Variants in SV2C observed in about 807,000 individuals in gnomAD.
SV2C encodes the protein solute carrier family 22 member B3.
Under a neutral mutation model 79.7 loss-of-function variants are expected in SV2C, and 49 were observed. The observed-to-expected ratio is 0.61, with a 90% CI of 0.49 to 0.78. The LOEUF is 0.78. Ranked by LOEUF, SV2C falls within the 30% of genes least tolerant of loss-of-function variation. The pLI is 0.00. For missense variants in SV2C, 833 were observed against 912.9 expected, an observed-to-expected ratio of 0.91 and a Z score of 1.13; for synonymous variants, 334 against 333.2, an observed-to-expected ratio of 1.00 and a Z score of -0.03.
chr5:76,313,277 C>T (rs1395625897), intron 12 of SV2C, among the ~76,000 whole-genome samples: 5 of 152,180 alleles, frequency 3.3e-5, no homozygotes, highest in Non-Finnish European at 4.4e-5. Context: ...TCAGCTATCG[C>T]GACTAACCAA....
intron 4 of SV2C, among the ~76,000 whole-genome samples, chr5:76,228,101 C>G (rs981730758): frequency 2.6e-5 from 4 of 152,070 alleles, no homozygotes; most frequent in Non-Finnish European, 5.9e-5. Context: ...CTGTGACTCA[C>G]ATTTTTTTCT....
Position 76,314,259 on chromosome 5 carries a change from G to A in SV2C, c.2001-11105G>A, listed in dbSNP as rs566038624. ...GGGTCCAGCCTCCCAGCTTTCCAGA[G>A]TGAGCATTTGGGCCAGTGTAAGGGA... On this transcript the variant is annotated intron_variant, in intron 12 of 12. Transcript: ENST00000502798. Among the ~76,000 whole-genome samples the A allele has an allele frequency of 2.4e-3, 371 of 152,320 alleles. 3 individuals are homozygous for A. Among genetic ancestry groups the A allele is most frequent in the African/African-American group, 8.4e-3 (350 of 41,574 alleles).
intron 2 of SV2C, among the ~76,000 whole-genome samples, chr5:76,132,542 T>G (rs1748937642): frequency 6.6e-6 from 1 of 152,232 alleles, no homozygotes; most frequent in South Asian, 2.1e-4. Flanking sequence ...TAGTTAACAT[T>G]TACTATATTT....
At chr5:76,290,725 A>G (rs1747533527) in intron 6 of SV2C, among the ~76,000 whole-genome samples, 1 of 152,204 alleles carries the variant, frequency 6.6e-6, no homozygotes. Context: ...ACTGTGGGTT[A>G]GGCTGTGGGA....
the SV2C span, among the ~76,000 whole-genome samples, chr5:75,970,268 A>T: frequency 6.6e-6 from 1 of 152,112 alleles, no homozygotes; most frequent in Non-Finnish European, 1.5e-5. Flanking sequence ...AAAGAACTAG[A>T]GAAGCAAGAG....
the SV2C span, among the ~76,000 whole-genome samples, chr5:75,881,811 C>G: frequency 6.7e-6 from 1 of 149,492 alleles, no homozygotes; most frequent in East Asian, 1.9e-4. Flanking sequence ...CCTAATTGCC[C>G]TGGCCAGAAC....
At chr5:76,061,509 T>C in the SV2C span, among the ~76,000 whole-genome samples, 1 of 152,098 alleles carries the variant, frequency 6.6e-6, no homozygotes, top group African/African-American at 2.4e-5. Flanking sequence ...ATTTGTCACC[T>C]TTATTCCAGC....
Position 76,299,018 on chromosome 5 carries a change from C to T in SV2C, c.1636+91C>T, listed in dbSNP as rs1020761368. The T allele has an allele frequency of 4.6e-5, 63 of 1,380,392 alleles. No homozygotes were observed. In the East Asian group the frequency reaches 1.3e-3, roughly 27 times the overall value. The allele number at this position is 1,380,392 out of a possible 1,614,324, so 85.5% of individuals were successfully genotyped here. On this transcript the variant is annotated intron_variant, in intron 10 of 12. Coordinates refer to ENST00000502798, the MANE Select transcript of SV2C (RefSeq NM_014979.4). ...GTGATAATGTGGGCAGAGGCTTATGCGGGAAGTGGATATTAAAGAATAAAT... is the reference window on the plus strand; with the variant it reads ...GTGATAATGTGGGCAGAGGCTTATGTGGGAAGTGGATATTAAAGAATAAAT...
At chr5:76,290,249 T>C (rs1747512926) in intron 6 of SV2C, among the ~76,000 whole-genome samples, 1 of 152,220 alleles carries the variant, frequency 6.6e-6, no homozygotes, top group African/African-American at 2.4e-5. Flanking sequence ...ACCTACTGCC[T>C]ACTTGGTATA....
chr5:76,218,568 A>T (rs553654546), intron 4 of SV2C, among the ~76,000 whole-genome samples: 2 of 152,178 alleles, frequency 1.3e-5, no homozygotes, highest in Non-Finnish European at 2.9e-5. Context: ...GAACACATGG[A>T]CACAGGGAGG....
chr5:76,309,630 A>AAAAAAAC (rs1554046996), intron 12 of SV2C, among the ~76,000 whole-genome samples: 8 of 131,976 alleles, frequency 6.1e-5, no homozygotes, highest in Non-Finnish European at 9.8e-5. Flanking sequence ...AAAAAACAGA[A>AAAAAAAC]AGAAAGAAAG....
At chr5:75,863,999 C>G in the SV2C span, among the ~76,000 whole-genome samples, 1 of 152,152 alleles carries the variant, frequency 6.6e-6, no homozygotes, top group Non-Finnish European at 1.5e-5. Context: ...AGCCCTGTAA[C>G]TTTGAATCTC....
At chr5:76,274,266 C>T (rs1746957287) in intron 4 of SV2C, among the ~76,000 whole-genome samples, 1 of 152,138 alleles carries the variant, frequency 6.6e-6, no homozygotes, top group East Asian at 1.9e-4. Context: ...ATACAAGACA[C>T]TAGAAAATTC....
intron 9 of SV2C, among the ~76,000 whole-genome samples, chr5:76,297,733 C>A (rs899616955): frequency 1.3e-5 from 2 of 152,092 alleles, no homozygotes; most frequent in African/African-American, 4.8e-5. Flanking sequence ...GCATTTTGAA[C>A]CAACACACGT....
intron 3 of SV2C, among the ~76,000 whole-genome samples, chr5:76,197,238 ACACT>A (rs751142635): frequency 2.0e-5 from 3 of 152,192 alleles, no homozygotes; most frequent in African/African-American, 7.2e-5. Context: ...ATGTTTAGAA[ACACT>A]CACTCATAGT....
chr5:75,848,478 A>G, the SV2C span, among the ~76,000 whole-genome samples: 1 of 152,178 alleles, frequency 6.6e-6, no homozygotes, highest in Non-Finnish European at 1.5e-5. Context: ...AGCTCACTAA[A>G]ATTTAACCTG....
intron 4 of SV2C, 97 bp downstream of exon 4, chr5:76,209,984 A>C (rs1744722515): frequency 1.5e-6 from 2 of 1,364,434 alleles, no homozygotes; most frequent in South Asian, 2.9e-5. Context: ...ACTTTGAGAA[A>C]AACTACTCAT....
chr5:76,007,267 T>G, the SV2C span, among the ~76,000 whole-genome samples: 1 of 151,444 alleles, frequency 6.6e-6, no homozygotes, highest in Admixed American at 6.6e-5. Flanking sequence ...CCCTGTAGAC[T>G]AGGGGAAGGG....
intron 1 of SV2C, among the ~76,000 whole-genome samples, chr5:76,091,505 C>A (rs1448364734): frequency 6.6e-6 from 1 of 152,112 alleles, no homozygotes; most frequent in Non-Finnish European, 1.5e-5. Flanking sequence ...GCTGATGCTG[C>A]CCTGTGCTGT....
Sources: gnomAD v4.1 joint callset for allele counts (sites outside exome capture counted in the v4.1 genomes callset) on GRCh38, gnomAD v4.1.1 for gene constraint, MANE v1.5 for transcripts, NCBI Gene and HGNC (gene_info 2026-07-23, HGNC 2026-07-21) for gene names.